Variants in ROCK1 observed in about 807,000 individuals in gnomAD.
ROCK1 encodes rho-associated protein kinase 1.
In ROCK1, 36 loss-of-function variants were observed where a neutral mutation model predicts 196.8. The ratio of observed to expected loss-of-function variants is 0.18; its 90% CI spans 0.14 to 0.24. The LOEUF is 0.24. Ranked by LOEUF, ROCK1 falls within the 10% of genes least tolerant of loss-of-function variation. The pLI is 1.00. For synonymous variants in ROCK1, 443 were observed against 515.9 expected (o/e 0.86, Z 1.91); for missense variants, 920 against 1,562.0 (o/e 0.59, Z 6.93).
At position 20,947,643 on chromosome 18, in the gene ROCK1, T is replaced by C. The variant is rs952497202; in HGVS notation, c.*3741A>G. The C allele has an allele frequency of 6.6e-6, 1 of 152,160 alleles. No homozygotes were observed. Among genetic ancestry groups the C allele is most frequent in the African/African-American group, 2.4e-5 (1 of 41,440 alleles). 9.4% of individuals were successfully genotyped at this position (152,160 alleles called of 1,614,324 possible). On this transcript the variant is annotated 3_prime_UTR_variant, in exon 33 of 33. Coordinates refer to ENST00000399799, the MANE Select transcript of ROCK1 (RefSeq NM_005406.3). ...GACCACCCTGGGCAACATAATCTCA[T>C]CGGATTGTCATTATATGACTATTTA...
chr18:21,022,894 A>C (rs114281754), intron 11 of ROCK1, among the ~76,000 whole-genome samples: 46 of 152,186 alleles, frequency 3.0e-4, no homozygotes, highest in African/African-American at 1.1e-3. Flanking sequence ...ATGCAATGGA[A>C]TATTACTCAG....
At position 21,028,685 on chromosome 18, in the gene ROCK1, A is replaced by ATAGC. The variant is rs1175528350; in HGVS notation, c.1211+87_1211+90dup. The ATAGC allele has an allele frequency of 2.7e-6, 3 of 1,108,750 alleles. No homozygotes were observed. The African/African-American group carries it at 4.8e-5, about 18-fold the overall frequency. 68.7% of individuals were successfully genotyped at this position (1,108,750 alleles called of 1,614,324 possible). A position where few individuals can be genotyped will look rare whatever the true frequency, so the allele number is the denominator to read the frequency against. ...ATTGCATAATAAGGTGTATCTTTAT[A>ATAGC]TAGCATTAAATCTACTTTAAAAATG... On this transcript the variant is annotated intron_variant, in intron 10 of 32. Coordinates refer to ENST00000399799, the MANE Select transcript of ROCK1 (RefSeq NM_005406.3).
At chr18:21,087,492 T>C (rs2143579209) in intron 1 of ROCK1, among the ~76,000 whole-genome samples, 1 of 152,166 alleles carries the variant, frequency 6.6e-6, no homozygotes, top group East Asian at 1.9e-4. Context: ...TGATTTACCA[T>C]GCAAATATTA....
intron 29 of ROCK1, 27 bp downstream of exon 29, chr18:20,959,813 T>C: frequency 1.5e-6 from 2 of 1,336,248 alleles, no homozygotes; most frequent in Non-Finnish European, 2.1e-6. Flanking sequence ...TCTCAACCCC[T>C]TTAAAATTCA....
chr18:20,967,826 C>G lies in ROCK1; in HGVS notation c.3118G>C (p.Glu1040Gln). 2 of 1,610,614 alleles carry G rather than the reference C, an allele frequency of 1.2e-6. No homozygotes were observed. The highest frequency in any genetic ancestry group is 1.7e-6 in the Non-Finnish European group (2 of 1,178,712). The change falls in exon 26 of 33, where the codon GAA (glutamate) becomes CAA (glutamine). Residue 1040 changes from glutamate (E) to glutamine (Q), a missense_variant. By Grantham distance (29) the Glu-to-Gln change is conservative (BLOSUM62 2). Around this residue, in one of 6 missense-constraint regions of ROCK1, gnomAD observed 116 missense variants for 204.2 expected, o/e 0.57. Coordinates refer to ENST00000399799, the MANE Select transcript of ROCK1 (RefSeq NM_005406.3). Reference protein sequence around the residue: ...KEKENRKLQLELNQEREKFNQ... With the variant: ...KEKENRKLQLQLNQEREKFNQ... ...AATTTCTCTCTTTCTTGGTTGAGTT[C>G]CAGTTGCAGCTTTCGATTTTCCTTT...
At chr18:20,981,593 T>C (rs1327737568) in intron 21 of ROCK1, among the ~76,000 whole-genome samples, 1 of 152,188 alleles carries the variant, frequency 6.6e-6, no homozygotes, top group Non-Finnish European at 1.5e-5. Context: ...CTGATGTCTA[T>C]TTCTTTTTAA....
At chr18:21,034,479 C>A (rs2036039600) in intron 9 of ROCK1, among the ~76,000 whole-genome samples, 2 of 152,122 alleles carry the variant, frequency 1.3e-5, no homozygotes, top group South Asian at 4.1e-4. Context: ...AACAAAAACC[C>A]CACAAATAAA....
chr18:20,958,766 CTG>C (rs1205205950), intron 29 of ROCK1, among the ~76,000 whole-genome samples: 1 of 147,956 alleles, frequency 6.8e-6, no homozygotes. Context: ...AAAATCATCT[CTG>C]TATTACTCAT....
rs558120946 is a variant in ROCK1 at position 20,970,229 on chromosome 18, C to G, written c.2820+119G>C. On this transcript the variant is annotated intron_variant, in intron 23 of 32. Coordinates refer to ENST00000399799, the MANE Select transcript of ROCK1 (RefSeq NM_005406.3). ...TATTTTATACATGAGTACAGAATGA[C>G]CACTATGTATTAACATAGAAGTAAA... The G allele has an allele frequency of 1.0e-3, 662 of 659,540 alleles. 1 individual carries two copies. The highest frequency in any genetic ancestry group is 2.2e-3 in the Admixed American group (79 of 35,298). The allele number at this position is 659,540 out of a possible 1,614,324, so 40.9% of individuals were successfully genotyped here.
Position 21,045,899 on chromosome 18 carries a change from G to GTTTCT in ROCK1, c.415-433_415-432insAGAAA, listed in dbSNP as rs746861081. On this transcript the variant is annotated intron_variant, in intron 4 of 32. Coordinates refer to ENST00000399799, the MANE Select transcript of ROCK1 (RefSeq NM_005406.3). ...ATAAATTTGGCTTACAGTTTCAGCT[G>GTTTCT]TTTTTTTTTTTTTTTTTTTTTTTTT... Among the ~76,000 whole-genome samples, 456 of 62,496 alleles carry GTTTCT rather than the reference G, an allele frequency of 7.3e-3. 86 individuals are homozygous for GTTTCT. The highest frequency in any genetic ancestry group is 0.03 in the African/African-American group (430 of 14,374). 41.0% of individuals were successfully genotyped at this position (62,496 alleles called of 152,430 possible). A position where few individuals can be genotyped will look rare whatever the true frequency, so the allele number is the denominator to read the frequency against.
intron 2 of ROCK1, among the ~76,000 whole-genome samples, chr18:21,064,058 T>G (rs1000292042): frequency 3.9e-5 from 6 of 152,232 alleles, no homozygotes; most frequent in African/African-American, 1.2e-4. Flanking sequence ...TTATCTAAGT[T>G]TTTAAAACTC....
At chr18:20,952,784 C>CA (rs890530446) in intron 32 of ROCK1, among the ~76,000 whole-genome samples, 124 of 136,580 alleles carry the variant, frequency 9.1e-4, no homozygotes, top group African/African-American at 2.0e-3. Flanking sequence ...TCTCAAAAAA[C>CA]AAAAAAAAAA....
At chr18:21,011,133 T>G (rs2035813448) in intron 13 of ROCK1, among the ~76,000 whole-genome samples, 1 of 152,194 alleles carries the variant, frequency 6.6e-6, no homozygotes, top group Non-Finnish European at 1.5e-5. Context: ...CCACCTCTTT[T>G]GATTGGTATT....
At chr18:21,021,145 T>A (rs2035909779) in intron 11 of ROCK1, among the ~76,000 whole-genome samples, 1 of 152,158 alleles carries the variant, frequency 6.6e-6, no homozygotes, top group Admixed American at 6.6e-5. Context: ...CCAAACCGAC[T>A]GGAAGTTAGA....
intron 1 of ROCK1, among the ~76,000 whole-genome samples, chr18:21,096,541 GAA>G (rs1241471443): frequency 4.6e-5 from 7 of 152,152 alleles, no homozygotes; most frequent in Non-Finnish European, 1.0e-4. Context: ...ACTTACAACT[GAA>G]AGAGTCCTAA....
intron 3 of ROCK1, 46 bp from the exon 4 acceptor site, chr18:21,049,275 A>G (rs771649251): frequency 7.0e-7 from 1 of 1,420,548 alleles, no homozygotes; most frequent in East Asian, 2.5e-5. Context: ...GTTAACATTT[A>G]AAGCTCAAGG....
intron 1 of ROCK1, among the ~76,000 whole-genome samples, chr18:21,080,201 T>C (rs1295106655): frequency 6.6e-6 from 1 of 152,048 alleles, no homozygotes; most frequent in African/African-American, 2.4e-5. Context: ...ATCACCACAT[T>C]ATAACAGTTA....
chr18:21,072,855 G>C (rs1466787394), intron 1 of ROCK1, among the ~76,000 whole-genome samples: 2 of 152,022 alleles, frequency 1.3e-5, no homozygotes, highest in African/African-American at 4.8e-5. Context: ...CGTACTGCCT[G>C]AGATCAGGAG....
At chr18:20,976,567 G>T (rs912063001) in intron 22 of ROCK1, among the ~76,000 whole-genome samples, 1 of 152,078 alleles carries the variant, frequency 6.6e-6, no homozygotes, top group Non-Finnish European at 1.5e-5. Context: ...TTACATTAAC[G>T]AATATATCTG....
Sources: gnomAD v4.1 joint callset for allele counts (sites outside exome capture counted in the v4.1 genomes callset) on GRCh38, gnomAD v4.1.1 for gene constraint, gnomAD v4.1.1 regional missense constraint, MANE v1.5 for transcripts, NCBI Gene and HGNC (gene_info 2026-07-23, HGNC 2026-07-21) for gene names.